The following AFAP1 variants were observed in gnomAD, a reference collection of about 807,000 sequenced individuals.
AFAP1 encodes actin filament associated protein 1.
A neutral mutation model predicts 93.9 loss-of-function variants in AFAP1; 75 were observed. That is an observed-to-expected ratio of 0.80 (90% CI 0.66 to 0.97). AFAP1 has a LOEUF of 0.97. AFAP1 is among the 50% of genes least tolerant of loss of function. The pLI, the probability that AFAP1 is intolerant of heterozygous loss-of-function variation, is 0.00. For missense variants in AFAP1, 1,201 were observed against 1,050.8 expected (o/e 1.14, Z -1.98); for synonymous variants, 517 against 430.7 (o/e 1.20, Z -2.48).
chr4:7,889,715 C>G (rs1268533049), intron 1 of AFAP1, among the ~76,000 whole-genome samples: 2 of 115,716 alleles, frequency 1.7e-5, no homozygotes, highest in Admixed American at 8.5e-5. Context: ...AAAAAAAGAA[C>G]AATTGAAAAA....
chr4:7,911,561 C>T (rs1719729098), intron 1 of AFAP1, among the ~76,000 whole-genome samples: 1 of 152,234 alleles, frequency 6.6e-6, no homozygotes, highest in East Asian at 1.9e-4. Flanking sequence ...ATCCGCTCCT[C>T]CCAGCAGCCT....
intron 9 of AFAP1, among the ~76,000 whole-genome samples, chr4:7,808,076 G>T (rs2149047096): frequency 6.6e-6 from 1 of 152,316 alleles, no homozygotes; most frequent in Non-Finnish European, 1.5e-5. Context: ...TCAATAAGGG[G>T]TGGGGGCAAC....
chr4:7,892,222 C>G (rs559769907), intron 1 of AFAP1, among the ~76,000 whole-genome samples: 34 of 152,276 alleles, frequency 2.2e-4, no homozygotes, highest in African/African-American at 8.2e-4. Context: ...GCTCCGGCAC[C>G]ATTTCTAAGT....
At chr4:7,908,275 C>T (rs1281830924) in intron 1 of AFAP1, among the ~76,000 whole-genome samples, 1 of 152,092 alleles carries the variant, frequency 6.6e-6, no homozygotes, top group Non-Finnish European at 1.5e-5. Flanking sequence ...GAACACAAGC[C>T]CTGCTCTATG....
intron 4 of AFAP1, among the ~76,000 whole-genome samples, chr4:7,847,630 G>A (rs769347160): frequency 1.2e-4 from 19 of 152,176 alleles, no homozygotes; most frequent in Non-Finnish European, 2.6e-4. Flanking sequence ...GGAGGCCTGG[G>A]GTTTTGGATT....
At chr4:7,889,978 A>G (rs1054666970) in intron 1 of AFAP1, among the ~76,000 whole-genome samples, 3 of 148,634 alleles carry the variant, frequency 2.0e-5, no homozygotes, top group African/African-American at 5.0e-5. Context: ...CACAATCTCA[A>G]TCAAGATCCC....
At chr4:7,920,541 A>G (rs1273567425) in intron 1 of AFAP1, among the ~76,000 whole-genome samples, 1 of 152,242 alleles carries the variant, frequency 6.6e-6, no homozygotes, top group Admixed American at 6.5e-5. Flanking sequence ...ATAATTATCA[A>G]GGAAGAGAGC....
chr4:7,855,158 G>A (rs193244829), intron 4 of AFAP1, among the ~76,000 whole-genome samples: 46 of 152,284 alleles, frequency 3.0e-4, no homozygotes, highest in African/African-American at 1.0e-3. Flanking sequence ...GCTGTAGCAC[G>A]CACCCAAAAA....
At chr4:7,844,728 T>C (rs1188185148) in intron 4 of AFAP1, among the ~76,000 whole-genome samples, 1 of 152,244 alleles carries the variant, frequency 6.6e-6, no homozygotes, top group Non-Finnish European at 1.5e-5. Context: ...GCCAATGGCG[T>C]AGTAAAAGGT....
At chr4:7,914,299 C>T (rs1407219902) in intron 1 of AFAP1, among the ~76,000 whole-genome samples, 2 of 152,158 alleles carry the variant, frequency 1.3e-5, no homozygotes, top group Non-Finnish European at 2.9e-5. Context: ...AGGTGATCCA[C>T]CCACCTCGGC....
intron 1 of AFAP1, among the ~76,000 whole-genome samples, chr4:7,925,007 C>T (rs1282783135): frequency 6.6e-6 from 1 of 152,060 alleles, no homozygotes; most frequent in Non-Finnish European, 1.5e-5. Flanking sequence ...CACCGGGAGC[C>T]GTTCTTTTCC....
intron 1 of AFAP1, among the ~76,000 whole-genome samples, chr4:7,875,096 A>G (rs1294964711): frequency 6.6e-6 from 1 of 152,224 alleles, no homozygotes; most frequent in African/African-American, 2.4e-5. Context: ...TCAGTCATAT[A>G]GGTCATGCAG....
intron 4 of AFAP1, among the ~76,000 whole-genome samples, chr4:7,845,197 G>A (rs538305976): frequency 1.3e-5 from 2 of 152,064 alleles, no homozygotes; most frequent in African/African-American, 2.4e-5. Flanking sequence ...CAAGGCGGGC[G>A]AATCACTTGA....
At chr4:7,818,966 CT>C (rs76083938) in intron 7 of AFAP1, 109 bp downstream of exon 7, 1 of 1,065,544 alleles carries the variant, frequency 9.4e-7, no homozygotes. Flanking sequence ...TGCACTTTTT[CT>C]TTTTTAACTG....
At chr4:7,778,300 C>T (rs1249424796) in intron 14 of AFAP1, 1 of 205,928 alleles carries the variant, frequency 4.9e-6, no homozygotes, top group African/African-American at 2.4e-5. Flanking sequence ...ACTCCTCATA[C>T]TGCTCTAGTG....
intron 9 of AFAP1, among the ~76,000 whole-genome samples, chr4:7,802,639 CTTTT>C (rs60126839): frequency 0.052 from 6,586 of 127,872 alleles, 451 homozygotes; most frequent in African/African-American, 0.17. Flanking sequence ...TACATTTATT[CTTTT>C]TTTTTTTTTT....
Position 7,759,400 on chromosome 4 carries a change from C to A in AFAP1, c.*4365G>T, listed in dbSNP as rs1233733616. 4 of 152,642 alleles carry A rather than the reference C, an allele frequency of 2.6e-5. No individual in the cohort carries two copies. Among genetic ancestry groups the A allele is most frequent in the African/African-American group, 9.6e-5 (4 of 41,458 alleles). 9.5% of individuals were successfully genotyped at this position (152,642 alleles called of 1,614,324 possible). A position where few individuals can be genotyped will look rare whatever the true frequency, so the allele number is the denominator to read the frequency against. On this transcript the variant is annotated 3_prime_UTR_variant, in exon 18 of 18. Transcript: ENST00000420658. ...CCACCACTTCCTGGGTGCAGTTTCC[C>A]TTCTTTTACAGACGCCCTGCTATGG...
chr4:7,821,584 T>C (rs995354081), intron 6 of AFAP1, among the ~76,000 whole-genome samples: 2 of 152,178 alleles, frequency 1.3e-5, no homozygotes, highest in East Asian at 1.9e-4. Context: ...CTTGCAAAAC[T>C]TACATTCTTA....
At chr4:7,908,785 T>C (rs990820815) in intron 1 of AFAP1, among the ~76,000 whole-genome samples, 2 of 152,220 alleles carry the variant, frequency 1.3e-5, no homozygotes, top group Non-Finnish European at 2.9e-5. Flanking sequence ...GTCTGGATGA[T>C]GCATAGTTAA....
Sources: allele counts gnomAD v4.1 joint callset (sites outside exome capture counted in the v4.1 genomes callset), GRCh38; gene constraint gnomAD v4.1.1; transcripts MANE v1.5; gene names NCBI Gene and HGNC (gene_info 2026-07-23, HGNC 2026-07-21).